EYA4: variants seen among roughly 807,000 people sequenced by gnomAD.
EYA4 encodes EYA transcriptional coactivator and phosphatase 4.
A neutral mutation model predicts 87.9 loss-of-function variants in EYA4; 31 were observed. The observed-to-expected ratio is 0.35, with a 90% CI of 0.27 to 0.48. The LOEUF (loss-of-function observed/expected upper bound fraction) is 0.48, where lower values mean the gene tolerates loss of function less well. EYA4 is among the 20% of genes least tolerant of loss of function. The pLI, the probability that EYA4 is intolerant of heterozygous loss-of-function variation, is 0.99. For missense variants in EYA4, 678 were observed against 761.4 expected (o/e 0.89, Z 1.29); for synonymous variants, 263 against 270.6 (o/e 0.97, Z 0.28).
intron 1 of EYA4, among the ~76,000 whole-genome samples, chr6:133,254,626 G>A (rs1775192051): frequency 6.6e-6 from 1 of 152,000 alleles, no homozygotes; most frequent in African/African-American, 2.4e-5. Flanking sequence ...CAAAAATTGT[G>A]GTTTTATTTT....
intron 3 of EYA4, among the ~76,000 whole-genome samples, chr6:133,441,167 C>A (rs1792244123): frequency 6.6e-6 from 1 of 152,230 alleles, no homozygotes; most frequent in East Asian, 1.9e-4. Context: ...AGTTTCCACT[C>A]CCACTTTTTT....
In EYA4 at chr6:133,263,816, G is replaced by A. The variant is rs147680353; in HGVS notation, c.-65-10900G>A. 8.6e-4 allele frequency among the ~76,000 whole-genome samples: 131 copies of A among 152,282 alleles called. 2 individuals carry two copies. The highest frequency in any genetic ancestry group is 1.5e-4 in the Non-Finnish European group (10 of 68,022). ...CTGTGACCCAGGCAACTCTGCATAG[G>A]CAGAAAGATTCTTGAAAGCCCCACC... is the stretch of plus-strand genomic sequence containing the variant. On this transcript the variant is annotated intron_variant, in intron 1 of 19. Transcript: ENST00000355286.
chr6:133,530,589 A>G lies in EYA4; in HGVS notation c.*1784A>G, dbSNP rs1290106154. On this transcript the variant is annotated 3_prime_UTR_variant, in exon 20 of 20. Coordinates refer to ENST00000355286, the MANE Select transcript of EYA4 (RefSeq NM_004100.5). ...CCTCTGTGGCTTCAATAAAGTCTACATTTTGCTCACAGATCACAACATTCA... is the reference window on the plus strand; with the variant it reads ...CCTCTGTGGCTTCAATAAAGTCTACGTTTTGCTCACAGATCACAACATTCA... 3 of 985,674 alleles carry G rather than the reference A, an allele frequency of 3.0e-6. No homozygotes were observed. The highest frequency in any genetic ancestry group is 3.6e-6 in the Non-Finnish European group (3 of 829,938). The allele number at this position is 985,674 out of a possible 1,614,324, so 61.1% of individuals were successfully genotyped here.
intron 13 of EYA4, among the ~76,000 whole-genome samples, chr6:133,497,171 G>C (rs533542949): frequency 6.6e-6 from 1 of 152,068 alleles, no homozygotes; most frequent in Non-Finnish European, 1.5e-5. Context: ...TAAGTGGCAA[G>C]ATCAGTGAAA....
intron 2 of EYA4, among the ~76,000 whole-genome samples, chr6:133,363,808 T>C (rs1046431047): frequency 3.9e-5 from 6 of 152,156 alleles, no homozygotes; most frequent in Non-Finnish European, 1.5e-5. Flanking sequence ...ATGTTCCCGC[T>C]TTCGGGTCCA....
At chr6:133,506,000 C>A in intron 13 of EYA4, 106 bp from the exon 14 acceptor site, 1 of 759,526 alleles carries the variant, frequency 1.3e-6, no homozygotes, top group Non-Finnish European at 2.4e-6. Flanking sequence ...AGTAAAAACC[C>A]ATGCAGTCTT....
At chr6:133,467,600 C>T (rs1483964387) in intron 10 of EYA4, among the ~76,000 whole-genome samples, 2 of 151,880 alleles carry the variant, frequency 1.3e-5, no homozygotes, top group East Asian at 3.9e-4. Context: ...TAGTTTTCTG[C>T]CATATTACTT....
At position 133,531,359 on chromosome 6, in the gene EYA4, A is replaced by G; in HGVS notation, c.*2554A>G. 1 of 629,766 alleles carries G rather than the reference A, an allele frequency of 1.6e-6. No individual in the cohort carries two copies. The highest frequency in any genetic ancestry group is 2.6e-6 in the Non-Finnish European group (1 of 377,994). 39.0% of individuals were successfully genotyped at this position (629,766 alleles called of 1,614,324 possible). On this transcript the variant is annotated 3_prime_UTR_variant, in exon 20 of 20. Transcript: ENST00000355286. ...AGAACTCTTCCCTTCCCACCTTAGG[A>G]ATAGAAAATCCTCTTCCTTTCTAAT...
At chr6:133,439,163 C>T (rs1220327332) in intron 3 of EYA4, among the ~76,000 whole-genome samples, 1 of 150,616 alleles carries the variant, frequency 6.6e-6, no homozygotes, top group Non-Finnish European at 1.5e-5. Flanking sequence ...TCGGGATGTG[C>T]TACAGATACT....
intron 2 of EYA4, among the ~76,000 whole-genome samples, chr6:133,311,991 C>T (rs1780259247): frequency 1.3e-5 from 2 of 152,068 alleles, no homozygotes; most frequent in African/African-American, 4.8e-5. Flanking sequence ...CTGATAAATG[C>T]TGTGAAGAAT....
intron 13 of EYA4, among the ~76,000 whole-genome samples, chr6:133,500,430 G>A (rs1459182810): frequency 6.6e-6 from 1 of 151,944 alleles, no homozygotes; most frequent in African/African-American, 2.4e-5. Flanking sequence ...AAACCCCACT[G>A]ACTGCCTGTA....
intron 2 of EYA4, among the ~76,000 whole-genome samples, chr6:133,329,351 A>G (rs1189721834): frequency 6.6e-6 from 1 of 152,100 alleles, no homozygotes; most frequent in East Asian, 1.9e-4. Context: ...TGCCATTTTT[A>G]CAAATGCTAT....
chr6:133,430,434 A>G (rs1211363549), intron 3 of EYA4, among the ~76,000 whole-genome samples: 3 of 152,218 alleles, frequency 2.0e-5, no homozygotes, highest in South Asian at 2.1e-4. Context: ...TTCAGGTAGA[A>G]CTGTGTTTTT....
chr6:133,448,057 T>C, intron 4 of EYA4, 54 bp from the exon 5 acceptor site: 1 of 1,326,026 alleles, frequency 7.5e-7, no homozygotes, highest in South Asian at 1.2e-5. Context: ...AGATTATTCA[T>C]ATCCACTCAG....
At chr6:133,387,033 C>A (rs537279277) in intron 3 of EYA4, among the ~76,000 whole-genome samples, 1 of 152,146 alleles carries the variant, frequency 6.6e-6, no homozygotes, top group South Asian at 2.1e-4. Flanking sequence ...AAGAGAAAGG[C>A]AAAATGACTT....
chr6:133,298,969 G>A (rs2128310190), intron 2 of EYA4, among the ~76,000 whole-genome samples: 1 of 152,282 alleles, frequency 6.6e-6, no homozygotes, highest in Non-Finnish European at 1.5e-5. Context: ...TCTCTGCCTT[G>A]AAGAAGCTGA....
At chr6:133,270,335 G>A (rs1049169620) in intron 1 of EYA4, among the ~76,000 whole-genome samples, 1 of 152,010 alleles carries the variant, frequency 6.6e-6, no homozygotes, top group Admixed American at 6.5e-5. Flanking sequence ...TTGTATAACC[G>A]GAAATGCACC....
intron 2 of EYA4, among the ~76,000 whole-genome samples, chr6:133,333,903 G>GA (rs1418663425): frequency 3.9e-5 from 6 of 152,102 alleles, no homozygotes; most frequent in African/African-American, 1.2e-4. Context: ...CTTGCCTTCT[G>GA]AAAAAAGGTT....
chr6:133,517,528 CAG>C (rs142706548), intron 17 of EYA4, among the ~76,000 whole-genome samples: 6,103 of 142,948 alleles, frequency 0.043, 427 homozygotes, highest in African/African-American at 0.14. Flanking sequence ...AAAAGCCTGA[CAG>C]GGCAAAAAAA....
Sources: allele counts gnomAD v4.1 joint callset (sites outside exome capture counted in the v4.1 genomes callset), GRCh38; gene constraint gnomAD v4.1.1; transcripts MANE v1.5; gene names NCBI Gene and HGNC (gene_info 2026-07-23, HGNC 2026-07-21).